Variants in SCGN observed in about 807,000 individuals in gnomAD.
SCGN encodes secretagogin, EF-hand calcium binding protein.
SCGN carries 30 observed loss-of-function variants against 39.7 expected under a neutral mutation model. That is an observed-to-expected ratio of 0.76 (90% CI 0.57 to 1.03). SCGN has a LOEUF of 1.03. Ranked by LOEUF, SCGN falls within the 50% of genes least tolerant of loss-of-function variation. The probability of loss-of-function intolerance (pLI) is 0.00; values close to 1 mark genes in which losing one functional copy is unlikely to be tolerated. For synonymous variants in SCGN, 106 were observed against 114.1 expected, an observed-to-expected ratio of 0.93 and a Z score of 0.45; for missense variants, 353 against 349.4, an observed-to-expected ratio of 1.01 and a Z score of -0.08.
chr6:25,660,486 A>G (rs992272923), intron 2 of SCGN, among the ~76,000 whole-genome samples: 1 of 152,218 alleles, frequency 6.6e-6, no homozygotes, highest in Non-Finnish European at 1.5e-5. Flanking sequence ...ACCTGAAAGC[A>G]ACATGTTGTG....
At chr6:25,668,595 C>T (rs1467892680) in intron 4 of SCGN, among the ~76,000 whole-genome samples, 1 of 152,168 alleles carries the variant, frequency 6.6e-6, no homozygotes, top group Non-Finnish European at 1.5e-5. Flanking sequence ...TTAAAGCAGG[C>T]ACCTCAATCT....
intron 6 of SCGN, 146 bp from the exon 7 acceptor site, chr6:25,681,805 C>G: frequency 1.5e-6 from 1 of 666,936 alleles, no homozygotes; most frequent in East Asian, 2.7e-5. Context: ...CCTTCTGTGA[C>G]AAATACTAAT....
intron 6 of SCGN, among the ~76,000 whole-genome samples, chr6:25,671,859 G>A (rs556304131): frequency 4.5e-4 from 69 of 152,072 alleles, no homozygotes; most frequent in Non-Finnish European, 9.0e-4. Flanking sequence ...TGTTAGCACT[G>A]GCTGTTGTTA....
At chr6:25,659,204 T>C (rs889253031) in intron 2 of SCGN, among the ~76,000 whole-genome samples, 6 of 152,176 alleles carry the variant, frequency 3.9e-5, no homozygotes, top group South Asian at 2.1e-4. Flanking sequence ...ACCTTCAGGG[T>C]CTTATAATAT....
At chr6:25,698,149 T>C (rs921995397) in intron 10 of SCGN, among the ~76,000 whole-genome samples, 2 of 152,216 alleles carry the variant, frequency 1.3e-5, no homozygotes, top group Non-Finnish European at 2.9e-5. Flanking sequence ...ATTTTTGAGC[T>C]GTGGCATTTA....
rs750412785 is a variant in SCGN at position 25,672,336 on chromosome 6, T to C, written c.471+2260T>C. 2.0e-5 allele frequency among the ~76,000 whole-genome samples: 3 copies of C among 152,210 alleles called. No homozygotes were observed. The South Asian group carries it at 6.2e-4, about 32-fold the overall frequency. On this transcript the variant is annotated intron_variant, in intron 6 of 10. Coordinates refer to ENST00000377961, the MANE Select transcript of SCGN (RefSeq NM_006998.4). Reference sequence around the variant, plus strand: ...GGAGACTGACAACAAATAATAAATGTAATTAATAATGCATTATATTGCATA... The same window carrying C: ...GGAGACTGACAACAAATAATAAATGCAATTAATAATGCATTATATTGCATA...
At chr6:25,680,561 G>GAGTT (rs1759625770) in intron 6 of SCGN, among the ~76,000 whole-genome samples, 1 of 152,200 alleles carries the variant, frequency 6.6e-6, no homozygotes, top group Non-Finnish European at 1.5e-5. Context: ...CACAGCAATG[G>GAGTT]AGTTAGGCCC....
chr6:25,686,313 C>T (rs1480497079), intron 7 of SCGN, among the ~76,000 whole-genome samples: 1 of 152,168 alleles, frequency 6.6e-6, no homozygotes, highest in African/African-American at 2.4e-5. Context: ...AAAGTGGCTG[C>T]ACCATTTTAC....
At chr6:25,695,562 C>T (rs1193520518) in intron 10 of SCGN, among the ~76,000 whole-genome samples, 1 of 152,190 alleles carries the variant, frequency 6.6e-6, no homozygotes. Flanking sequence ...CAGAATCTCA[C>T]TCTGTTGCCC....
chr6:25,676,087 CT>C (rs771728278), intron 6 of SCGN, among the ~76,000 whole-genome samples: 11 of 152,218 alleles, frequency 7.2e-5, no homozygotes, highest in Non-Finnish European at 1.0e-4. Context: ...TTGAAACCAT[CT>C]TTGATGCCTC....
intron 10 of SCGN, among the ~76,000 whole-genome samples, chr6:25,697,041 C>G (rs1438831332): frequency 1.3e-5 from 2 of 152,186 alleles, no homozygotes; most frequent in Non-Finnish European, 2.9e-5. Flanking sequence ...CTTCCTGGAG[C>G]TTCTCAAATT....
chr6:25,677,015 A>G (rs565963937), intron 6 of SCGN, among the ~76,000 whole-genome samples: 3 of 151,512 alleles, frequency 2.0e-5, no homozygotes, highest in Admixed American at 6.6e-5. Context: ...CTCCCTGTCT[A>G]TCTTCTCTCC....
chr6:25,659,768 C>T (rs1186977794), intron 2 of SCGN, among the ~76,000 whole-genome samples: 1 of 152,082 alleles, frequency 6.6e-6, no homozygotes, highest in Non-Finnish European at 1.5e-5. Flanking sequence ...GGTTTTATGC[C>T]TGAGAGCAAC....
At chr6:25,696,593 C>G (rs772092087) in intron 10 of SCGN, among the ~76,000 whole-genome samples, 1 of 152,098 alleles carries the variant, frequency 6.6e-6, no homozygotes, top group African/African-American at 2.4e-5. Context: ...TTGGCCTTGT[C>G]CCGGGAATAA....
chr6:25,687,504 G>A (rs1413520747), intron 7 of SCGN, among the ~76,000 whole-genome samples: 1 of 152,066 alleles, frequency 6.6e-6, no homozygotes, highest in Non-Finnish European at 1.5e-5. Flanking sequence ...GTATAGAAAT[G>A]TCATTGAATT....
intron 2 of SCGN, among the ~76,000 whole-genome samples, chr6:25,654,662 C>T (rs1273225089): frequency 6.6e-6 from 1 of 152,036 alleles, no homozygotes; most frequent in Admixed American, 6.6e-5. Context: ...CTTTCCTCTC[C>T]CCATGTCTTT....
At position 25,664,950 on chromosome 6, in the gene SCGN, G is replaced by GTA; in HGVS notation, c.256_257dup (p.Met86IlefsTer73). On this transcript the variant is annotated frameshift_variant, in exon 4 of 11. Coordinates refer to ENST00000377961, the MANE Select transcript of SCGN (RefSeq NM_006998.4). LOFTEE classifies it high-confidence loss of function. ...TTCTTTCTGTTCCTTCAGCTTGCTG[G>GTA]TATGTTCTTATCTGAGGATGAAAAC... 1.2e-6 allele frequency: 2 copies of GTA among 1,613,352 alleles called. No homozygotes were observed. Among genetic ancestry groups the GTA allele is most frequent in the Non-Finnish European group, 1.7e-6 (2 of 1,179,388 alleles).
chr6:25,676,707 G>T (rs745786718), intron 6 of SCGN, among the ~76,000 whole-genome samples: 4 of 151,754 alleles, frequency 2.6e-5, no homozygotes, highest in Non-Finnish European at 5.9e-5. Flanking sequence ...TTTAACATAG[G>T]TAACATGTAT....
At chr6:25,685,552 G>A (rs777350944) in intron 7 of SCGN, among the ~76,000 whole-genome samples, 1 of 151,922 alleles carries the variant, frequency 6.6e-6, no homozygotes, top group African/African-American at 2.4e-5. Context: ...CCACATAGTT[G>A]TATTACATTT....
Sources: allele counts gnomAD v4.1 joint callset (sites outside exome capture counted in the v4.1 genomes callset), GRCh38; gene constraint gnomAD v4.1.1; transcripts MANE v1.5; gene names NCBI Gene and HGNC (gene_info 2026-07-23, HGNC 2026-07-21).